The following ZNF608 variants were observed in gnomAD, a reference collection of about 807,000 sequenced individuals.
The protein encoded by ZNF608 is renal carcinoma antigen NY-REN-36.
ZNF608 carries 12 observed loss-of-function variants against 109.0 expected under a neutral mutation model. The observed-to-expected ratio is 0.11, with a 90% confidence interval of 0.07 to 0.18. ZNF608 has a LOEUF of 0.18. Among genes scored for constraint, ZNF608 ranks in the 10% least tolerant of loss-of-function variants. The pLI is 1.00. For missense variants in ZNF608, 1,707 were observed against 1,879.3 expected, an observed-to-expected ratio of 0.91 and a Z score of 1.70; for synonymous variants, 732 against 717.4, an observed-to-expected ratio of 1.02 and a Z score of -0.33.
intron 3 of ZNF608, among the ~76,000 whole-genome samples, chr5:124,672,933 G>C (rs1751787480): frequency 6.6e-6 from 1 of 152,110 alleles, no homozygotes; most frequent in Non-Finnish European, 1.5e-5. Flanking sequence ...GTGAGTATGA[G>C]GTGACAACAG....
intron 2 of ZNF608, among the ~76,000 whole-genome samples, chr5:124,704,727 C>T (rs1753190363): frequency 6.6e-6 from 1 of 152,094 alleles, no homozygotes; most frequent in Non-Finnish European, 1.5e-5. Flanking sequence ...TGCAGCCTTG[C>T]CACGTGACTT....
rs376787764 is a variant in ZNF608 at position 124,640,502 on chromosome 5, G to C, written c.4450+750C>G. On this transcript the variant is annotated intron_variant, in intron 8 of 9. Transcript: ENST00000513986. The stretch of plus-strand genomic sequence containing the variant: ...GCCAGGAAGAGAGGCCTGAGCAGAC[G>C]CTGGCTGTACTGGCACCCTGATCTT... 2.0e-5 allele frequency among the ~76,000 whole-genome samples: 3 copies of C among 152,192 alleles called. No homozygotes were observed. The East Asian group carries it at 5.8e-4, about 29-fold the overall frequency.
intron 2 of ZNF608, among the ~76,000 whole-genome samples, chr5:124,731,418 G>T (rs1029895826): frequency 6.6e-6 from 1 of 150,418 alleles, no homozygotes; most frequent in Non-Finnish European, 1.5e-5. Flanking sequence ...TCACCATGTT[G>T]GTCAGGCTGG....
chr5:124,660,538 G>A (rs1223430833), intron 3 of ZNF608, among the ~76,000 whole-genome samples: 5 of 152,114 alleles, frequency 3.3e-5, no homozygotes, highest in Non-Finnish European at 7.4e-5. Context: ...AAGGAAGAAA[G>A]AATAAACAGT....
intron 2 of ZNF608, among the ~76,000 whole-genome samples, chr5:124,721,880 T>TA (rs1328988853): frequency 7.6e-6 from 1 of 131,724 alleles, no homozygotes; most frequent in Non-Finnish European, 1.5e-5. Flanking sequence ...AAGCCGAGGT[T>TA]ACAGTGAGCC....
rs1370379203 is a variant in ZNF608 at position 124,683,905 on chromosome 5, T to C, written c.1162+17109A>G. ...AACCTGCTAATGAAACTGGTAAGAC[T>C]CTACCACTTAGGAATCTTATCAGAT... On this transcript the variant is annotated intron_variant, in intron 3 of 9. Transcript: ENST00000513986. Among the ~76,000 whole-genome samples, 8 of 152,336 alleles carry C rather than the reference T, an allele frequency of 5.3e-5. No individual in the cohort carries two copies. The South Asian group carries it at 1.7e-3, about 32-fold the overall frequency.
intron 2 of ZNF608, among the ~76,000 whole-genome samples, chr5:124,720,708 C>G (rs912133350): frequency 6.6e-6 from 1 of 151,902 alleles, no homozygotes; most frequent in East Asian, 1.9e-4. Context: ...CAGAATGGGC[C>G]GCACTTCATG....
chr5:124,694,703 T>G (rs1752773083), intron 3 of ZNF608, among the ~76,000 whole-genome samples: 1 of 152,112 alleles, frequency 6.6e-6, no homozygotes, highest in Non-Finnish European at 1.5e-5. Context: ...GTATATCTCC[T>G]AATGCTATCC....
At chr5:124,747,764 A>G (rs1169436439), upstream of ZNF608, among the ~76,000 whole-genome samples, 1 of 152,148 alleles carries the variant, frequency 6.6e-6, no homozygotes, top group Non-Finnish European at 1.5e-5. Flanking sequence ...GTTTTAAAGA[A>G]ACACTTTATA....
intron 2 of ZNF608, among the ~76,000 whole-genome samples, chr5:124,731,501 G>T (rs774119943): frequency 6.6e-6 from 1 of 151,056 alleles, no homozygotes; most frequent in Non-Finnish European, 1.5e-5. Flanking sequence ...GTGAGCCACC[G>T]CGCCCAGCCA....
At chr5:124,705,588 C>G (rs1304061697) in intron 2 of ZNF608, among the ~76,000 whole-genome samples, 1 of 152,178 alleles carries the variant, frequency 6.6e-6, no homozygotes, top group Non-Finnish European at 1.5e-5. Context: ...TTATATCCTA[C>G]TATATTTAAC....
chr5:124,694,317 C>A (rs1752754603), intron 3 of ZNF608, among the ~76,000 whole-genome samples: 1 of 151,308 alleles, frequency 6.6e-6, no homozygotes, highest in South Asian at 2.1e-4. Flanking sequence ...AATGAAAATA[C>A]CCTGATGAGT....
intron 2 of ZNF608, among the ~76,000 whole-genome samples, chr5:124,713,234 T>G (rs1338826341): frequency 6.6e-6 from 1 of 152,186 alleles, no homozygotes; most frequent in Non-Finnish European, 1.5e-5. Context: ...TTTGAACATC[T>G]TCCCTTTCCA....
intron 3 of ZNF608, among the ~76,000 whole-genome samples, chr5:124,672,617 C>A (rs1221659164): frequency 1.3e-5 from 2 of 152,334 alleles, no homozygotes; most frequent in East Asian, 1.9e-4. Context: ...GTTCAACTGT[C>A]TTCCTAATCA....
intron 2 of ZNF608, among the ~76,000 whole-genome samples, chr5:124,740,048 C>T (rs1749316219): frequency 6.6e-6 from 1 of 152,198 alleles, no homozygotes; most frequent in Non-Finnish European, 1.5e-5. Context: ...CTATCAATCC[C>T]TCCCCCCACC....
At chr5:124,684,047 G>T (rs1418570029) in intron 3 of ZNF608, among the ~76,000 whole-genome samples, 1 of 152,198 alleles carries the variant, frequency 6.6e-6, no homozygotes, top group Non-Finnish European at 1.5e-5. Context: ...AATAAATGAT[G>T]TGAGTAAACA....
chr5:124,715,620 T>C (rs1226185476), intron 2 of ZNF608, among the ~76,000 whole-genome samples: 1 of 152,230 alleles, frequency 6.6e-6, no homozygotes, highest in Non-Finnish European at 1.5e-5. Context: ...TGCTTATTTT[T>C]TGCCATAATG....
upstream of ZNF608, among the ~76,000 whole-genome samples, chr5:124,748,213 G>C (rs1749708068): frequency 6.6e-6 from 1 of 152,190 alleles, no homozygotes; most frequent in African/African-American, 2.4e-5. Flanking sequence ...GGACAGAAGA[G>C]GGAGGGAGTA....
intron 3 of ZNF608, among the ~76,000 whole-genome samples, chr5:124,670,168 G>A (rs956699221): frequency 7.2e-5 from 11 of 152,136 alleles, no homozygotes; most frequent in Non-Finnish European, 1.3e-4. Context: ...GAATTCTGCT[G>A]TGGCTACTCA....
Sources: allele counts gnomAD v4.1 joint callset (sites outside exome capture counted in the v4.1 genomes callset), GRCh38; gene constraint gnomAD v4.1.1; transcripts MANE v1.5; gene names NCBI Gene and HGNC (gene_info 2026-07-23, HGNC 2026-07-21).